Variants in MTFR1 observed in about 807,000 individuals in gnomAD.
The protein encoded by MTFR1 is chondrocyte protein with a poly-proline region.
In MTFR1, 28 loss-of-function variants were observed where a neutral mutation model predicts 38.8. The ratio of observed to expected loss-of-function variants is 0.72; its 90% CI spans 0.53 to 0.99. MTFR1 has a LOEUF of 0.99. Among genes scored for constraint, MTFR1 ranks in the 50% least tolerant of loss-of-function variants. The pLI is 0.00. For missense variants in MTFR1, 358 were observed against 395.5 expected, an observed-to-expected ratio of 0.91 and a Z score of 0.81; for synonymous variants, 145 against 137.0, an observed-to-expected ratio of 1.06 and a Z score of -0.41.
At chr8:65,680,155 T>C (rs1338511860) in intron 2 of MTFR1, among the ~76,000 whole-genome samples, 2 of 151,574 alleles carry the variant, frequency 1.3e-5, no homozygotes, top group East Asian at 3.9e-4. Context: ...ACTTTGTTGG[T>C]TTTTTTCTCA....
chr8:65,709,155 C>A lies in MTFR1; in HGVS notation c.*111C>A. 1 of 982,364 alleles carries A rather than the reference C, an allele frequency of 1.0e-6. No individual in the cohort carries two copies. The highest frequency in any genetic ancestry group is 1.4e-5 in the South Asian group (1 of 70,424). 60.9% of individuals were successfully genotyped at this position (982,364 alleles called of 1,614,324 possible). ...AAATACCTCTTTAGTATTCAGTGGT[C>A]TTCTTTTCAGGCTAATTAGTGGATT... On this transcript the variant is annotated 3_prime_UTR_variant, in exon 8 of 8. Coordinates refer to ENST00000262146, the MANE Select transcript of MTFR1 (RefSeq NM_014637.4).
intron 3 of MTFR1, among the ~76,000 whole-genome samples, chr8:65,693,301 TGAGGC>T (rs1399563906): frequency 6.6e-6 from 1 of 151,704 alleles, no homozygotes; most frequent in Non-Finnish European, 1.5e-5. Flanking sequence ...CTCAGGAGGC[TGAGGC>T]AGAAGAATCG....
At chr8:65,694,303 G>T (rs574536600) in intron 4 of MTFR1, among the ~76,000 whole-genome samples, 1 of 152,048 alleles carries the variant, frequency 6.6e-6, no homozygotes, top group Non-Finnish European at 1.5e-5. Context: ...TTGATCTCCT[G>T]ACCTCAGATG....
chr8:65,663,538 A>G (rs1804272635), intron 1 of MTFR1, among the ~76,000 whole-genome samples: 1 of 151,742 alleles, frequency 6.6e-6, no homozygotes, highest in Admixed American at 6.6e-5. Flanking sequence ...TTAAAAAAAA[A>G]AAAAAAAAAG....
intron 3 of MTFR1, among the ~76,000 whole-genome samples, chr8:65,688,116 A>G (rs1244911749): frequency 2.2e-5 from 3 of 133,568 alleles, no homozygotes; most frequent in Non-Finnish European, 3.4e-5. Context: ...AAAAAAAAAA[A>G]CAGGCCGGGC....
intron 1 of MTFR1, among the ~76,000 whole-genome samples, chr8:65,662,445 A>C (rs1809457544): frequency 1.3e-5 from 2 of 150,318 alleles, no homozygotes; most frequent in Non-Finnish European, 3.0e-5. Flanking sequence ...TCTGGGCTCG[A>C]TACAACCTCC....
At chr8:65,698,792 G>C (rs368742132) in intron 4 of MTFR1, among the ~76,000 whole-genome samples, 68 of 151,326 alleles carry the variant, frequency 4.5e-4, no homozygotes, top group Non-Finnish European at 7.8e-4. Flanking sequence ...GCAATGGCAC[G>C]ATCTCGGCTC....
chr8:65,765,346 G>A (rs1270763497), intron 3 of MTFR1, among the ~76,000 whole-genome samples: 2 of 150,576 alleles, frequency 1.3e-5, no homozygotes, highest in East Asian at 1.9e-4. Flanking sequence ...AAAATTAGCC[G>A]GGCGTAGTGG....
At chr8:65,668,765 T>C (rs1249498392) in intron 1 of MTFR1, among the ~76,000 whole-genome samples, 1 of 152,030 alleles carries the variant, frequency 6.6e-6, no homozygotes, top group Non-Finnish European at 1.5e-5. Flanking sequence ...CCGCCTCCCT[T>C]GGCATCCCAA....
At chr8:65,695,348 T>C (rs1306070543) in intron 4 of MTFR1, among the ~76,000 whole-genome samples, 1 of 117,338 alleles carries the variant, frequency 8.5e-6, no homozygotes, top group Non-Finnish European at 2.1e-5. Flanking sequence ...GGTGAAACAA[T>C]TTTTTTTTTT....
intron 3 of MTFR1, among the ~76,000 whole-genome samples, chr8:65,736,944 G>A (rs1056394741): frequency 1.5e-4 from 23 of 148,988 alleles, no homozygotes; most frequent in African/African-American, 4.4e-4. Flanking sequence ...GTGCAGTAGC[G>A]TGATCTTGGC....
intron 1 of MTFR1, among the ~76,000 whole-genome samples, chr8:65,657,407 G>A (rs1242118061): frequency 6.6e-6 from 1 of 152,062 alleles, no homozygotes; most frequent in African/African-American, 2.4e-5. Flanking sequence ...CCATAGCAGG[G>A]TTCAAACTAA....
At chr8:65,765,413 C>A (rs909332716) in intron 3 of MTFR1, 3 of 140,108 alleles carry the variant, frequency 2.1e-5, no homozygotes, top group African/African-American at 8.0e-5. Context: ...GGCGTGAACC[C>A]GGGAGGCGGA....
chr8:65,671,222 T>A (rs1334988851), intron 2 of MTFR1, among the ~76,000 whole-genome samples: 3 of 152,120 alleles, frequency 2.0e-5, no homozygotes, highest in Non-Finnish European at 4.4e-5. Flanking sequence ...CTTTCAGATA[T>A]ATGTTGCTAT....
intron 1 of MTFR1, among the ~76,000 whole-genome samples, chr8:65,649,834 T>C (rs1809069465): frequency 6.8e-6 from 1 of 147,800 alleles, no homozygotes; most frequent in Non-Finnish European, 1.5e-5. Flanking sequence ...AACCATCCTT[T>C]TGGGTTTTTT....
chr8:65,649,237 A>G (rs978132051), intron 1 of MTFR1, among the ~76,000 whole-genome samples: 11 of 151,844 alleles, frequency 7.2e-5, no homozygotes, highest in African/African-American at 2.2e-4. Context: ...CTGGAGTGCA[A>G]TGGCACACAC....
chr8:65,707,463 C>G (rs1417445649), intron 6 of MTFR1, among the ~76,000 whole-genome samples: 1 of 152,176 alleles, frequency 6.6e-6, no homozygotes, highest in Non-Finnish European at 1.5e-5. Flanking sequence ...TTTAGTTTTC[C>G]CATTTTATTT....
downstream of MTFR1, among the ~76,000 whole-genome samples, chr8:65,712,504 T>A (rs1805976994): frequency 1.3e-5 from 2 of 152,340 alleles, no homozygotes; most frequent in African/African-American, 4.8e-5. Context: ...TCCATGTGTT[T>A]ATATAAGTAG....
the MTFR1 span, among the ~76,000 whole-genome samples, chr8:65,777,777 T>A: frequency 7.2e-5 from 11 of 152,238 alleles, no homozygotes; most frequent in Admixed American, 7.2e-4. Flanking sequence ...AATCTCATAA[T>A]TGCTCCTTTG....
Sources: gnomAD v4.1 joint callset for allele counts (sites outside exome capture counted in the v4.1 genomes callset) on GRCh38, gnomAD v4.1.1 for gene constraint, MANE v1.5 for transcripts, NCBI Gene and HGNC (gene_info 2026-07-23, HGNC 2026-07-21) for gene names.